Variants in SAMD12 observed in about 807,000 individuals in gnomAD.
SAMD12 encodes sterile alpha motif domain-containing protein 12.
Under a neutral mutation model 15.0 loss-of-function variants are expected in SAMD12, and 9 were observed. That is an observed-to-expected ratio of 0.60 (90% CI 0.36 to 1.05). The LOEUF is 1.05. Ranked by LOEUF, SAMD12 falls within the 50% of genes least tolerant of loss-of-function variation. SAMD12 has a pLI of 0.01. For missense variants in SAMD12, 230 were observed against 234.2 expected (o/e 0.98, Z 0.12); for synonymous variants, 86 against 90.1 (o/e 0.96, Z 0.25).
chr8:118,567,700 C>T (rs1282041484), intron 2 of SAMD12, among the ~76,000 whole-genome samples: 2 of 152,168 alleles, frequency 1.3e-5, no homozygotes, highest in East Asian at 3.9e-4. Flanking sequence ...TTTGTGGCAA[C>T]CCTGAGCTTA....
At chr8:118,269,748 T>A (rs1467600274) in intron 4 of SAMD12, among the ~76,000 whole-genome samples, 2 of 152,214 alleles carry the variant, frequency 1.3e-5, no homozygotes, top group Non-Finnish European at 2.9e-5. Context: ...TTTACAAAAC[T>A]TCTACATTCT....
chr8:118,257,534 C>T (rs74840629), intron 4 of SAMD12, among the ~76,000 whole-genome samples: 245 of 152,246 alleles, frequency 1.6e-3, no homozygotes, highest in Middle Eastern at 6.8e-3. Flanking sequence ...ACTCCTCCTC[C>T]TTCCGTATGA....
At chr8:118,302,852 A>G (rs567988868) in intron 4 of SAMD12, among the ~76,000 whole-genome samples, 2 of 152,310 alleles carry the variant, frequency 1.3e-5, no homozygotes, top group South Asian at 2.1e-4. Context: ...TCCAGGTGGG[A>G]TAGAACCTCT....
At chr8:118,547,801 T>C (rs1826175175) in intron 2 of SAMD12, among the ~76,000 whole-genome samples, 1 of 152,246 alleles carries the variant, frequency 6.6e-6, no homozygotes, top group Admixed American at 6.5e-5. Context: ...GTTTTCACCT[T>C]GTCCTAAGAA....
At chr8:118,186,987 T>C (rs1350539032), downstream of SAMD12, among the ~76,000 whole-genome samples, 1 of 152,194 alleles carries the variant, frequency 6.6e-6, no homozygotes, top group Non-Finnish European at 1.5e-5. Flanking sequence ...AAGTAAAATC[T>C]TGCAATGCTT....
At chr8:118,463,435 T>C (rs1430349756) in intron 2 of SAMD12, among the ~76,000 whole-genome samples, 2 of 151,986 alleles carry the variant, frequency 1.3e-5, no homozygotes, top group Non-Finnish European at 2.9e-5. Context: ...TTCAGCATCG[T>C]GTGGGAAGTT....
intron 2 of SAMD12, among the ~76,000 whole-genome samples, chr8:118,468,236 A>G (rs1399613302): frequency 6.6e-6 from 1 of 152,182 alleles, no homozygotes; most frequent in Non-Finnish European, 1.5e-5. Flanking sequence ...AGCTGGCCAA[A>G]AAGTGTATCA....
chr8:118,433,421 T>TTTC (rs1467874340), intron 3 of SAMD12, among the ~76,000 whole-genome samples: 6 of 151,932 alleles, frequency 3.9e-5, no homozygotes, highest in Non-Finnish European at 8.8e-5. Flanking sequence ...TCTTTTTTTT[T>TTTC]TTTCTTAAAT....
chr8:118,377,803 T>C (rs756905304), downstream of SAMD12, among the ~76,000 whole-genome samples: 21 of 152,138 alleles, frequency 1.4e-4, no homozygotes, highest in Admixed American at 8.5e-4. Context: ...TCATTCTATA[T>C]AGATCATCAC....
At chr8:118,156,506 A>G in the SAMD12 span, among the ~76,000 whole-genome samples, 1 of 152,192 alleles carries the variant, frequency 6.6e-6, no homozygotes, top group Admixed American at 6.5e-5. Flanking sequence ...AAAGGGCTCT[A>G]TGTGTGTACT....
chr8:118,222,331 A>G (rs2514966), intron 4 of SAMD12, among the ~76,000 whole-genome samples: 85,778 of 151,994 alleles, frequency 0.56, 25,050 homozygotes, highest in Middle Eastern at 0.63. Flanking sequence ...AGAACAAAGC[A>G]GCAGAGGACC....
intron 3 of SAMD12, among the ~76,000 whole-genome samples, chr8:118,417,391 C>CT (rs1821753954): frequency 6.6e-6 from 1 of 152,098 alleles, no homozygotes; most frequent in Non-Finnish European, 1.5e-5. Context: ...GAAAGAGTTG[C>CT]TTTTTGAAAG....
chr8:118,174,072 G>A, the SAMD12 span, among the ~76,000 whole-genome samples: 2 of 152,214 alleles, frequency 1.3e-5, no homozygotes, highest in African/African-American at 4.8e-5. Context: ...GGTCCTGCCA[G>A]TTAAAAGTAC....
At chr8:118,139,410 G>A in the SAMD12 span, among the ~76,000 whole-genome samples, 1 of 152,162 alleles carries the variant, frequency 6.6e-6, no homozygotes, top group African/African-American at 2.4e-5. Context: ...CCAGCCTAGA[G>A]GGCAGTGGCA....
intron 3 of SAMD12, among the ~76,000 whole-genome samples, chr8:118,381,154 G>C (rs1398988364): frequency 6.6e-6 from 1 of 152,232 alleles, no homozygotes. Flanking sequence ...AGAAACACTA[G>C]TGAGAATTAT....
At chr8:118,545,980 C>T (rs1204279113) in intron 2 of SAMD12, among the ~76,000 whole-genome samples, 2 of 152,130 alleles carry the variant, frequency 1.3e-5, no homozygotes, top group African/African-American at 2.4e-5. Flanking sequence ...TGTGAGTGGT[C>T]GAGCTCCAAA....
rs140476956 is a variant in SAMD12, at chr8:118,314,921, A to G, written c.433+64639T>C. On this transcript the variant is annotated intron_variant, in intron 4 of 4. Transcript: ENST00000409003. ...AACATAGGTTTTTATTTTTTCTGGG[A>G]CAAATGTCCAACAGCGTTCTTTTTA... Among the ~76,000 whole-genome samples the G allele has an allele frequency of 2.8e-4, 42 of 152,330 alleles. No individual in the cohort carries two copies. The East Asian group carries it at 8.1e-3, about 29-fold the overall frequency.
intron 2 of SAMD12, among the ~76,000 whole-genome samples, chr8:118,505,343 CTTTTT>C (rs56822477): frequency 9.0e-5 from 12 of 133,376 alleles, no homozygotes; most frequent in African/African-American, 3.4e-4. Context: ...GGGCAGAGCT[CTTTTT>C]TTTTTTTTTT....
chr8:118,419,150 A>G (rs954415464), intron 3 of SAMD12, among the ~76,000 whole-genome samples: 1 of 152,138 alleles, frequency 6.6e-6, no homozygotes, highest in Non-Finnish European at 1.5e-5. Context: ...TGTGCTGAGT[A>G]TTTAATTGAC....
Sources: allele counts gnomAD v4.1 joint callset (sites outside exome capture counted in the v4.1 genomes callset), GRCh38; gene constraint gnomAD v4.1.1; transcripts MANE v1.5; gene names NCBI Gene and HGNC (gene_info 2026-07-23, HGNC 2026-07-21).